MACROD2: variants seen among roughly 807,000 people sequenced by gnomAD.
The protein encoded by MACROD2 is mono-ADP ribosylhydrolase 2.
In MACROD2, 36 loss-of-function variants were observed where a neutral mutation model predicts 70.4. That is an observed-to-expected ratio of 0.51 (90% confidence interval 0.39 to 0.68). MACROD2 has a LOEUF of 0.68. MACROD2 is among the 30% of genes least tolerant of loss of function. The pLI, the probability that MACROD2 is intolerant of heterozygous loss-of-function variation, is 0.00. For synonymous variants in MACROD2, 172 were observed against 178.8 expected, an observed-to-expected ratio of 0.96 and a Z score of 0.30; for missense variants, 496 against 538.4, an observed-to-expected ratio of 0.92 and a Z score of 0.78.
intron 5 of MACROD2, among the ~76,000 whole-genome samples, chr20:14,766,312 A>G (rs2072088755): frequency 1.3e-5 from 2 of 152,032 alleles, no homozygotes; most frequent in Admixed American, 6.6e-5. Flanking sequence ...TTACTCTGGC[A>G]TGGTCCTTCT....
chr20:15,140,481 T>G (rs1004509617), intron 5 of MACROD2, among the ~76,000 whole-genome samples: 13 of 152,162 alleles, frequency 8.5e-5, no homozygotes, highest in Admixed American at 7.9e-4. Context: ...GCAAGCATAT[T>G]TCTTGGATAA....
chr20:14,962,527 T>TTCTC (rs1410453703), intron 5 of MACROD2, among the ~76,000 whole-genome samples: 1 of 135,952 alleles, frequency 7.4e-6, no homozygotes, highest in South Asian at 2.3e-4. Flanking sequence ...CTCTCTCTCT[T>TTCTC]TCTCTCTCTC....
At chr20:14,870,791 T>C (rs2073478983) in intron 5 of MACROD2, among the ~76,000 whole-genome samples, 1 of 152,048 alleles carries the variant, frequency 6.6e-6, no homozygotes, top group South Asian at 2.1e-4. Context: ...TTTAATGGGG[T>C]TGTTTCGTTT....
At chr20:15,385,846 G>A (rs1210718634) in intron 6 of MACROD2, among the ~76,000 whole-genome samples, 2 of 152,094 alleles carry the variant, frequency 1.3e-5, no homozygotes, top group Non-Finnish European at 2.9e-5. Flanking sequence ...ATCCTCAGGA[G>A]CCTCTTTTCC....
At chr20:15,967,395 A>G (rs2066156420) in intron 12 of MACROD2, among the ~76,000 whole-genome samples, 158 bp from the exon 13 acceptor site, 2 of 152,090 alleles carry the variant, frequency 1.3e-5, no homozygotes, top group Non-Finnish European at 2.9e-5. Context: ...GGGGAAAAAA[A>G]GCGCCTATTT....
At chr20:15,990,944 G>A (rs562693194) in intron 15 of MACROD2, among the ~76,000 whole-genome samples, 10 of 152,290 alleles carry the variant, frequency 6.6e-5, no homozygotes, top group South Asian at 6.2e-4. Context: ...TGAAACAAGA[G>A]CGATGGCATG....
chr20:14,950,033 C>T (rs114158112), intron 5 of MACROD2, among the ~76,000 whole-genome samples: 1 of 152,258 alleles, frequency 6.6e-6, no homozygotes, highest in African/African-American at 2.4e-5. Flanking sequence ...ATTGTCCCTT[C>T]TTGACCATCT....
Position 14,417,087 on chromosome 20 carries a change from A to G in MACROD2, c.272-76392A>G, listed in dbSNP as rs888367665. Reference sequence around the variant, plus strand: ...CTATCATCTATCTATCTATCTATCTATCTATCTATCTATCTATCTATCTCT... The same window carrying G: ...CTATCATCTATCTATCTATCTATCTGTCTATCTATCTATCTATCTATCTCT... On this transcript the variant is annotated intron_variant, in intron 3 of 17. Transcript: ENST00000684519. 1.0e-4 allele frequency among the ~76,000 whole-genome samples: 14 copies of G among 138,202 alleles called. No homozygotes were observed. In the East Asian group the frequency reaches 1.9e-3, roughly 19 times the overall value. The allele number at this position is 138,202 out of a possible 152,430, so 90.7% of individuals were successfully genotyped here.
At chr20:15,978,205 T>C (rs535127352) in intron 13 of MACROD2, among the ~76,000 whole-genome samples, 1 of 152,284 alleles carries the variant, frequency 6.6e-6, no homozygotes, top group Admixed American at 6.5e-5. Context: ...CCATGGACCA[T>C]ACTTTTGTTA....
chr20:15,189,140 C>T (rs1221879392), intron 5 of MACROD2, among the ~76,000 whole-genome samples: 1 of 152,066 alleles, frequency 6.6e-6, no homozygotes, highest in Non-Finnish European at 1.5e-5. Flanking sequence ...ATTTATCATG[C>T]CACCTTTTTC....
chr20:14,319,671 A>G (rs564261673), intron 3 of MACROD2, among the ~76,000 whole-genome samples: 8 of 152,112 alleles, frequency 5.3e-5, no homozygotes, highest in Middle Eastern at 6.8e-3. Context: ...GACCTCTTCT[A>G]TGTCTTTACC....
chr20:14,612,879 G>C (rs1257119775), intron 4 of MACROD2, among the ~76,000 whole-genome samples: 1 of 152,064 alleles, frequency 6.6e-6, no homozygotes, highest in Non-Finnish European at 1.5e-5. Context: ...AAAATCATTT[G>C]TACCTTGCTC....
At chr20:15,312,083 T>C (rs926354199) in intron 6 of MACROD2, among the ~76,000 whole-genome samples, 2 of 152,122 alleles carry the variant, frequency 1.3e-5, no homozygotes, top group Non-Finnish European at 2.9e-5. Context: ...ATGAAAAACA[T>C]GCATCATAGA....
At chr20:15,245,209 C>G (rs997235690) in intron 6 of MACROD2, among the ~76,000 whole-genome samples, 7 of 152,194 alleles carry the variant, frequency 4.6e-5, no homozygotes, top group African/African-American at 1.7e-4. Context: ...AATTCAATCT[C>G]AGCTGTCTTC....
chr20:14,584,609 G>T (rs1192107448), intron 4 of MACROD2, among the ~76,000 whole-genome samples: 1 of 151,960 alleles, frequency 6.6e-6, no homozygotes, highest in African/African-American at 2.4e-5. Context: ...CCTCCCAAAG[G>T]CCCCACTTCC....
intron 5 of MACROD2, among the ~76,000 whole-genome samples, chr20:14,985,124 T>A (rs2074836870): frequency 6.6e-6 from 1 of 152,172 alleles, no homozygotes; most frequent in South Asian, 2.1e-4. Context: ...TAGGAGGGAT[T>A]TCTTAGGAAT....
intron 5 of MACROD2, among the ~76,000 whole-genome samples, chr20:15,068,717 G>C (rs1439522581): frequency 6.6e-6 from 1 of 152,160 alleles, no homozygotes; most frequent in African/African-American, 2.4e-5. Context: ...TGTTTGTACA[G>C]CCAGCAGAAC....
intron 5 of MACROD2, among the ~76,000 whole-genome samples, chr20:15,226,028 G>A (rs1157057087): frequency 6.6e-6 from 1 of 152,130 alleles, no homozygotes; most frequent in Non-Finnish European, 1.5e-5. Flanking sequence ...CATGATTGAT[G>A]CTCATTTATC....
intron 3 of MACROD2, among the ~76,000 whole-genome samples, chr20:14,371,195 A>G (rs565585862): frequency 6.6e-6 from 1 of 152,312 alleles, no homozygotes; most frequent in African/African-American, 2.4e-5. Context: ...TTTATAAATA[A>G]TAACTTTTGC....
Sources: allele counts gnomAD v4.1 joint callset (sites outside exome capture counted in the v4.1 genomes callset), GRCh38; gene constraint gnomAD v4.1.1; transcripts MANE v1.5; gene names NCBI Gene and HGNC (gene_info 2026-07-23, HGNC 2026-07-21).